TAF11L11: variants seen among roughly 807,000 people sequenced by gnomAD.
TAF11L11 encodes TATA-box-binding protein-associated factor 11-like protein 11.
At chr5:17,605,556 T>C (rs78965519), downstream of TAF11L11, among the ~76,000 whole-genome samples, 7 of 151,584 alleles carry the variant, frequency 4.6e-5, no homozygotes, top group East Asian at 1.9e-4. Flanking sequence ...GGTTGTTTCA[T>C]AGGAGCCTTG....
At chr5:17,604,973 A>C in exon 1 of TAF11L11, 1 of 392,956 alleles carries the variant, frequency 2.5e-6, no homozygotes, top group Non-Finnish European at 4.5e-6. Flanking sequence ...GTCAGCCTCA[A>C]CTCCTCCTTC....
chr5:17,605,819 A>C (rs1249625133), downstream of TAF11L11, among the ~76,000 whole-genome samples: 1 of 151,320 alleles, frequency 6.6e-6, no homozygotes, highest in Non-Finnish European at 1.5e-5. Context: ...TCTTCTGTAC[A>C]TTTTCAATGC....
Position 17,605,192 on chromosome 5 carries a change from A to G in TAF11L11, c.412A>G (p.Thr138Ala), listed in dbSNP as rs1579616038. 18 of 395,380 alleles carry G rather than the reference A, an allele frequency of 4.6e-5. 1 individual carries two copies. The East Asian group carries it at 6.4e-4, about 14-fold the overall frequency. The allele number at this position is 395,380 out of a possible 1,614,324, so 24.5% of individuals were successfully genotyped here. ...CACTGGCAGATCGGTGTCTGAGAAC[A>G]CCGCCATTGCCATGGCTGGAATAGC... The change falls in exon 1 of 1, where the codon ACC becomes GCC. Residue 138 changes from threonine to alanine, a missense_variant. Physicochemically the swap from Thr to Ala is moderately conservative, Grantham distance 58. Transcript: ENST00000510838.
At chr5:17,605,024 A>C in exon 1 of TAF11L11, 1 of 394,238 alleles carries the variant, frequency 2.5e-6, no homozygotes, top group Admixed American at 4.5e-5. Context: ...GAAGAAGGAG[A>C]GGAAGCCCAC....
At chr5:17,604,709 C>T (rs1739129730) in exon 1 of TAF11L11, 4 of 369,360 alleles carry the variant, frequency 1.1e-5, no homozygotes, top group African/African-American at 2.1e-5. Flanking sequence ...ATTGCAGATC[C>T]ATAATCGAAC....
At chr5:17,605,349 A>G (rs1739146646) in exon 1 of TAF11L11, 2 of 393,938 alleles carry the variant, frequency 5.1e-6, no homozygotes, top group Non-Finnish European at 9.0e-6. Context: ...ATCCTCCCCA[A>G]CAGCAACTAC....
chr5:17,605,390 A>T (rs1478790974), downstream of TAF11L11: 9 of 393,332 alleles, frequency 2.3e-5, no homozygotes, highest in Admixed American at 2.2e-4. Context: ...CTAAGGACAG[A>T]GGGAAAGGTC....
downstream of TAF11L11, among the ~76,000 whole-genome samples, chr5:17,605,580 A>G (rs185772529): frequency 7.9e-5 from 12 of 151,412 alleles, no homozygotes; most frequent in East Asian, 7.8e-4. Context: ...AAATATTTGG[A>G]CATTTTAATG....
chr5:17,604,274 G>A (rs7727723), exon 1 of TAF11L11: 137,629 of 151,512 alleles, frequency 0.91, 63,779 homozygotes, highest in East Asian at 1. Context: ...GGAGCTGAGA[G>A]CATCCTCACG....
In TAF11L11 at chr5:17,604,692, G is replaced by A. The variant is rs1294121023; in HGVS notation, c.-89G>A. 8.2e-6 allele frequency: 3 copies of A among 364,530 alleles called. No individual in the cohort carries two copies. The highest frequency in any genetic ancestry group is 4.2e-5 in the African/African-American group (2 of 47,330). 22.6% of individuals were successfully genotyped at this position (364,530 alleles called of 1,614,324 possible). On this transcript the variant is annotated 5_prime_UTR_variant, in exon 1 of 1. Transcript: ENST00000510838. Reference sequence around the variant, plus strand: ...AACACAGAAGCTAAACTCTTTGAGAGGTTCTCATTGCAGATCCATAATCGA... The same window carrying A: ...AACACAGAAGCTAAACTCTTTGAGAAGTTCTCATTGCAGATCCATAATCGA...
exon 1 of TAF11L11, chr5:17,605,123 T>G (rs1280936054): frequency 2.5e-6 from 1 of 395,190 alleles, no homozygotes; most frequent in African/African-American, 2.1e-5. Context: ...GTGTCGCCGG[T>G]CAGCTTTCCC....
At chr5:17,604,316 G>T (rs567825359) in exon 1 of TAF11L11, 1 of 151,896 alleles carries the variant, frequency 6.6e-6, no homozygotes, top group South Asian at 2.1e-4. Flanking sequence ...TGGGCCTAGG[G>T]CTCACAACCC....
exon 1 of TAF11L11, chr5:17,604,585 G>A (rs1333739949): frequency 3.4e-6 from 1 of 297,232 alleles, no homozygotes; most frequent in Non-Finnish European, 6.2e-6. Flanking sequence ...TTGTGGAAGT[G>A]AGAACATTCA....
Position 17,604,758 on chromosome 5 carries a change from C to T in TAF11L11, c.-23C>T, listed in dbSNP as rs769430754. 3 of 381,664 alleles carry T rather than the reference C, an allele frequency of 7.9e-6. No homozygotes were observed. Among genetic ancestry groups the T allele is most frequent in the Admixed American group, 4.5e-5 (1 of 22,088 alleles). 23.6% of individuals were successfully genotyped at this position (381,664 alleles called of 1,614,324 possible). ...ACTTCTGCCTGTACAGCTGCTGTCACGGAGCAGACTGGAATCTCACCCATG... is the reference window on the plus strand; with the variant it reads ...ACTTCTGCCTGTACAGCTGCTGTCATGGAGCAGACTGGAATCTCACCCATG... On this transcript the variant is annotated 5_prime_UTR_variant, in exon 1 of 1. The change creates a new upstream start codon in the 5' untranslated region. Coordinates refer to ENST00000510838, the Ensembl canonical transcript of TAF11L11.
chr5:17,604,982 T>G (rs113818257), exon 1 of TAF11L11: 8 of 393,036 alleles, frequency 2.0e-5, no homozygotes, highest in East Asian at 1.8e-4. Flanking sequence ...AACTCCTCCT[T>G]CAGCTAAAAG....
At chr5:17,605,695 C>T (rs554088328), downstream of TAF11L11, among the ~76,000 whole-genome samples, 11 of 151,500 alleles carry the variant, frequency 7.3e-5, 2 homozygotes, top group African/African-American at 2.2e-4. Flanking sequence ...GGAAGCCCTT[C>T]CCAGGAGATT....
Position 17,605,195 on chromosome 5 carries a change from G to A in TAF11L11, c.415G>A (p.Ala139Thr), listed in dbSNP as rs909503392. The change falls in exon 1 of 1, where the codon GCC becomes ACC. Residue 139 changes from alanine (A) to threonine (T), a missense_variant. Coordinates refer to ENST00000510838, the Ensembl canonical transcript of TAF11L11. The stretch of plus-strand genomic sequence containing the variant: ...TGGCAGATCGGTGTCTGAGAACACC[G>A]CCATTGCCATGGCTGGAATAGCCAA... 2 of 395,478 alleles carry A rather than the reference G, an allele frequency of 5.1e-6. 1 individual carries two copies. Among genetic ancestry groups the A allele is most frequent in the Non-Finnish European group, 8.9e-6 (2 of 223,924 alleles). The allele number at this position is 395,478 out of a possible 1,614,324, so 24.5% of individuals were successfully genotyped here.
chr5:17,604,950 G>C lies in TAF11L11; in HGVS notation c.170G>C (p.Gly57Ala), dbSNP rs1579615888. 5.1e-6 allele frequency: 2 copies of C among 392,530 alleles called. 1 individual carries two copies. The highest frequency in any genetic ancestry group is 4.2e-5 in the African/African-American group (2 of 48,174). The allele number at this position is 392,530 out of a possible 1,614,324, so 24.3% of individuals were successfully genotyped here. ...CAGGATGTCATGGACCTCACAGAAG[G>C]TGACAATGAAGCGTCAGCCTCAACT... The change falls in exon 1 of 1, where the codon GGT becomes GCT. Residue 57 changes from glycine to alanine, a missense_variant. Physicochemically the swap from Gly to Ala is moderately conservative, Grantham distance 60. Coordinates refer to ENST00000510838, the Ensembl canonical transcript of TAF11L11.
At chr5:17,605,038 G>A (rs1739137978) in exon 1 of TAF11L11, 2 of 394,326 alleles carry the variant, frequency 5.1e-6, no homozygotes, top group South Asian at 1.3e-4. Context: ...AGCCCACCAT[G>A]GATGCAGAGG....
Sources: allele counts gnomAD v4.1 joint callset (sites outside exome capture counted in the v4.1 genomes callset), GRCh38; gene constraint gnomAD v4.1.1; transcripts MANE v1.5; gene names NCBI Gene and HGNC (gene_info 2026-07-23, HGNC 2026-07-21).